Variants in FAT3 observed in about 807,000 individuals in gnomAD.
The protein encoded by FAT3 is protocadherin Fat 3.
Under a neutral mutation model 310.2 loss-of-function variants are expected in FAT3, and 95 were observed. The observed-to-expected ratio is 0.31, with a 90% CI of 0.26 to 0.36. FAT3 has a LOEUF of 0.36. FAT3 is among the 10% of genes least tolerant of loss of function. FAT3 has a pLI of 1.00. For synonymous variants in FAT3, 2,314 were observed against 2,192.9 expected (o/e 1.06, Z -1.54); for missense variants, 5,408 against 5,715.6 (o/e 0.95, Z 1.74).
rs1235562599 is a variant in FAT3 at position 92,224,963 on chromosome 11, C to A, written c.-229C>A. Among the ~76,000 whole-genome samples, 1 of 152,130 alleles carries A rather than the reference C, an allele frequency of 6.6e-6. No homozygotes were observed. Among genetic ancestry groups the A allele is most frequent in the Non-Finnish European group, 1.5e-5 (1 of 68,018 alleles). ...CTGTTCTCTTCATCTCGGCTCCCCTCCTCCGCTTGCGAACCCCCGGCGGCG... is the reference window on the plus strand; with the variant it reads ...CTGTTCTCTTCATCTCGGCTCCCCTACTCCGCTTGCGAACCCCCGGCGGCG... On this transcript the variant is annotated 5_prime_UTR_variant, in exon 1 of 28. Coordinates refer to ENST00000525166, the MANE Select transcript of FAT3 (RefSeq NM_001367949.2).
intron 3 of FAT3, among the ~76,000 whole-genome samples, chr11:92,623,105 T>G (rs1340334155): frequency 6.7e-6 from 1 of 149,150 alleles, no homozygotes; most frequent in Non-Finnish European, 1.5e-5. Flanking sequence ...TGATGTTGTC[T>G]TAAAAGCTTA....
Position 92,446,017 on chromosome 11 carries a change from C to T in FAT3, c.3293-78617C>T, listed in dbSNP as rs550452535. On this transcript the variant is annotated intron_variant, in intron 2 of 27. Transcript: ENST00000525166. ...ACTCTTAATTCGTTTGCTAATCACT[C>T]CTATTTATGAATATATTAATCAGCC... Among the ~76,000 whole-genome samples, 62 of 152,244 alleles carry T rather than the reference C, an allele frequency of 4.1e-4. 1 individual carries two copies. The South Asian group carries it at 0.012, about 29-fold the overall frequency.
intron 3 of FAT3, among the ~76,000 whole-genome samples, chr11:92,539,789 G>T (rs763779909): frequency 1.6e-4 from 25 of 152,152 alleles, no homozygotes; most frequent in Non-Finnish European, 2.4e-4. Context: ...ACACAAAAAA[G>T]ATTATATTTC....
intron 2 of FAT3, among the ~76,000 whole-genome samples, chr11:92,382,962 C>T (rs771378552): frequency 7.2e-5 from 11 of 152,148 alleles, no homozygotes; most frequent in Admixed American, 2.0e-4. Flanking sequence ...AGCATCCATT[C>T]GCTATTCTTC....
chr11:92,628,509 A>T (rs992615618), intron 3 of FAT3, among the ~76,000 whole-genome samples: 11 of 152,168 alleles, frequency 7.2e-5, no homozygotes, highest in Admixed American at 2.0e-4. Context: ...CTCTTGAAAC[A>T]TTAAACTAGG....
At chr11:92,417,494 C>T (rs1215034239) in intron 2 of FAT3, among the ~76,000 whole-genome samples, 2 of 152,116 alleles carry the variant, frequency 1.3e-5, no homozygotes, top group Non-Finnish European at 2.9e-5. Context: ...ATTGTAGCCA[C>T]AGAAATATGC....
In FAT3 at chr11:92,353,512, A is replaced by G; in HGVS notation, c.1400A>G (p.Asp467Gly). 6.2e-7 allele frequency: 1 copy of G among 1,613,588 alleles called. No homozygotes were observed. Among genetic ancestry groups the G allele is most frequent in the East Asian group, 2.2e-5 (1 of 44,854 alleles). Residue 467 changes from aspartate to glycine, a missense_variant, in exon 2 of 28, where the codon GAC (aspartate) becomes GGC (glycine). Asp to Gly is a moderately conservative substitution (Grantham distance 94). This residue lies in a region of FAT3 where 4,588 missense variants were observed against 4,809.8 expected (regional missense o/e 0.95). Coordinates refer to ENST00000525166, the MANE Select transcript of FAT3 (RefSeq NM_001367949.2). ...QVTISIEDAN[D>G]HTPEFQQPLY... The stretch of plus-strand genomic sequence containing the variant: ...ACCATCAGCATAGAAGATGCAAATG[A>G]CCACACCCCAGAATTTCAGCAACCA...
At chr11:92,738,374 G>A (rs899622683) in intron 4 of FAT3, among the ~76,000 whole-genome samples, 1 of 152,170 alleles carries the variant, frequency 6.6e-6, no homozygotes, top group Non-Finnish European at 1.5e-5. Context: ...ATCCCACTGG[G>A]AATTTTTAGC....
At chr11:92,538,293 G>GTGAAA (rs1426984564) in intron 3 of FAT3, among the ~76,000 whole-genome samples, 2 of 152,074 alleles carry the variant, frequency 1.3e-5, no homozygotes, top group African/African-American at 4.8e-5. Flanking sequence ...AAATTCACCA[G>GTGAAA]TACACCCACA....
intron 2 of FAT3, among the ~76,000 whole-genome samples, chr11:92,415,017 A>G (rs1950378445): frequency 6.6e-6 from 1 of 152,154 alleles, no homozygotes; most frequent in Non-Finnish European, 1.5e-5. Context: ...CAAAAAAAAA[A>G]AAAAAATTCT....
chr11:92,387,470 C>A (rs186506253), intron 2 of FAT3, among the ~76,000 whole-genome samples: 1 of 151,876 alleles, frequency 6.6e-6, no homozygotes, highest in African/African-American at 2.4e-5. Context: ...TGTTGGAAAC[C>A]AGAAAGAAGG....
chr11:92,487,982 G>C (rs2135222810), intron 2 of FAT3, among the ~76,000 whole-genome samples: 1 of 152,296 alleles, frequency 6.6e-6, no homozygotes, highest in South Asian at 2.1e-4. Flanking sequence ...AGGGATCTGT[G>C]TCTTGTTTCT....
intron 4 of FAT3, among the ~76,000 whole-genome samples, chr11:92,752,798 A>C (rs1945864408): frequency 6.6e-6 from 1 of 152,206 alleles, no homozygotes. Context: ...CTAGGATAAC[A>C]GAGGGGCTTT....
At chr11:92,652,265 A>C (rs546991930) in intron 3 of FAT3, among the ~76,000 whole-genome samples, 4 of 152,328 alleles carry the variant, frequency 2.6e-5, no homozygotes, top group Admixed American at 2.0e-4. Flanking sequence ...CCCTGGCCAC[A>C]CAAATCCATC....
intron 19 of FAT3, among the ~76,000 whole-genome samples, chr11:92,847,568 ACTC>A (rs766957116): frequency 3.3e-5 from 5 of 151,990 alleles, no homozygotes; most frequent in Non-Finnish European, 5.9e-5. Flanking sequence ...GTTCTCTCAG[ACTC>A]CTGTGTGCAT....
intron 3 of FAT3, among the ~76,000 whole-genome samples, chr11:92,552,315 A>G (rs1954848316): frequency 6.6e-6 from 1 of 152,210 alleles, no homozygotes; most frequent in African/African-American, 2.4e-5. Flanking sequence ...AATGAATTAC[A>G]ATGTGAATAA....
At position 92,571,593 on chromosome 11, in the gene FAT3, T is replaced by C. The variant is rs542944274; in HGVS notation, c.3607+46645T>C. 2.6e-5 allele frequency among the ~76,000 whole-genome samples: 4 copies of C among 152,344 alleles called. No individual in the cohort carries two copies. The South Asian group carries it at 6.2e-4, about 24-fold the overall frequency. On this transcript the variant is annotated intron_variant, in intron 3 of 27. Transcript: ENST00000525166. ...TTAGTATACATTTTGTGAAACATCA[T>C]CTTTGGCCTAAAATTTGGGTATGTG...
At chr11:92,861,992 C>A (rs543468776) in intron 21 of FAT3, among the ~76,000 whole-genome samples, 4 of 152,300 alleles carry the variant, frequency 2.6e-5, no homozygotes, top group African/African-American at 9.6e-5. Context: ...CAAAGAATAT[C>A]ACTGTCTCTC....
intron 1 of FAT3, among the ~76,000 whole-genome samples, chr11:92,288,400 A>C (rs1946610678): frequency 6.6e-6 from 1 of 152,122 alleles, no homozygotes; most frequent in African/African-American, 2.4e-5. Context: ...CAACCATAGC[A>C]GGTCATCTGG....
Sources: gnomAD v4.1 joint callset for allele counts (sites outside exome capture counted in the v4.1 genomes callset) on GRCh38, gnomAD v4.1.1 for gene constraint, gnomAD v4.1.1 regional missense constraint, MANE v1.5 for transcripts, NCBI Gene and HGNC (gene_info 2026-07-23, HGNC 2026-07-21) for gene names.